Variants in HYCC2 observed in about 807,000 individuals in gnomAD.
The protein encoded by HYCC2 is hyccin 2.
chr2:201,061,343 A>C, the HYCC2 span: 1 of 152,214 alleles, frequency 6.6e-6, no homozygotes, highest in South Asian at 2.1e-4. Flanking sequence ...GAGGCAGAAG[A>C]ATCGCTTGAA....
chr2:201,017,257 T>C, the HYCC2 span: 1 of 961,474 alleles, frequency 1.0e-6, no homozygotes, highest in African/African-American at 1.6e-5. Flanking sequence ...TATATCTGTA[T>C]AATATTTTTA....
At chr2:201,010,120 GAAA>G in the HYCC2 span, among the ~76,000 whole-genome samples, 2 of 143,632 alleles carry the variant, frequency 1.4e-5, no homozygotes, top group Non-Finnish European at 3.1e-5. Context: ...AAAAAAAAAA[GAAA>G]AGAAGAAGAA....
the HYCC2 span, among the ~76,000 whole-genome samples, chr2:200,983,882 G>A: frequency 6.6e-6 from 1 of 151,936 alleles, no homozygotes; most frequent in Non-Finnish European, 1.5e-5. Context: ...AAGCAATATG[G>A]CCATAAAAAA....
the HYCC2 span, chr2:201,017,170 G>C: frequency 1.1e-5 from 17 of 1,608,898 alleles, no homozygotes; most frequent in Non-Finnish European, 1.4e-5. Flanking sequence ...GGCTCCAGGA[G>C]CTAAAAGGAA....
the HYCC2 span, among the ~76,000 whole-genome samples, chr2:201,001,092 C>T: frequency 4.0e-5 from 6 of 148,398 alleles, no homozygotes; most frequent in East Asian, 2.0e-4. Context: ...GAGCCAAGAT[C>T]GTGACACTGC....
the HYCC2 span, among the ~76,000 whole-genome samples, chr2:201,052,561 C>T: frequency 2.0e-5 from 3 of 152,200 alleles, no homozygotes; most frequent in Non-Finnish European, 4.4e-5. Flanking sequence ...TGAGCCGTGA[C>T]TGTGCCACTG....
the HYCC2 span, among the ~76,000 whole-genome samples, chr2:201,056,083 A>G: frequency 1.3e-5 from 2 of 152,000 alleles, no homozygotes; most frequent in African/African-American, 2.4e-5. Context: ...AGTCCCAGCT[A>G]CTCAGGAGGC....
At chr2:201,057,198 A>G in the HYCC2 span, among the ~76,000 whole-genome samples, 3 of 152,360 alleles carry the variant, frequency 2.0e-5, no homozygotes, top group South Asian at 6.2e-4. Flanking sequence ...ATGTGCTGGC[A>G]GCATTCCATG....
chr2:200,983,153 A>G, the HYCC2 span, among the ~76,000 whole-genome samples: 1 of 152,212 alleles, frequency 6.6e-6, no homozygotes, highest in Non-Finnish European at 1.5e-5. Flanking sequence ...TCTCTTACTG[A>G]AAGTATGATG....
the HYCC2 span, among the ~76,000 whole-genome samples, chr2:201,018,129 C>T: frequency 5.9e-5 from 9 of 151,902 alleles, no homozygotes; most frequent in East Asian, 1.9e-4. Flanking sequence ...ATTTTTCATA[C>T]GATATCACAC....
the HYCC2 span, chr2:201,009,394 G>A: frequency 4.3e-6 from 1 of 232,998 alleles, no homozygotes; most frequent in East Asian, 9.5e-5. Flanking sequence ...CCATTTTAAT[G>A]TCTATATTCC....
the HYCC2 span, among the ~76,000 whole-genome samples, chr2:201,050,316 A>T: frequency 6.6e-6 from 1 of 152,116 alleles, no homozygotes; most frequent in Non-Finnish European, 1.5e-5. Context: ...ATGCTGAAAG[A>T]AACAGAATAT....
At chr2:201,051,412 G>A in the HYCC2 span, among the ~76,000 whole-genome samples, 1 of 151,876 alleles carries the variant, frequency 6.6e-6, no homozygotes, top group Non-Finnish European at 1.5e-5. Flanking sequence ...TGGAAAGGAA[G>A]AAATGCTATT....
chr2:200,988,449 G>A, the HYCC2 span: 12 of 1,562,758 alleles, frequency 7.7e-6, no homozygotes, highest in Non-Finnish European at 1.0e-5. Flanking sequence ...GTCTATACAA[G>A]TTTACAATCA....
chr2:200,997,198 T>C, the HYCC2 span: 1 of 299,364 alleles, frequency 3.3e-6, no homozygotes, highest in Non-Finnish European at 6.3e-6. Context: ...GAGGGCACAG[T>C]GAGCTATGAT....
chr2:201,054,824 C>A, the HYCC2 span, among the ~76,000 whole-genome samples: 4 of 152,008 alleles, frequency 2.6e-5, no homozygotes, highest in Non-Finnish European at 5.9e-5. Context: ...GAAAACATGT[C>A]GAATTTTTTT....
the HYCC2 span, among the ~76,000 whole-genome samples, chr2:200,985,643 G>A: frequency 2.0e-5 from 3 of 152,080 alleles, no homozygotes; most frequent in African/African-American, 2.4e-5. Flanking sequence ...CCTGGGCGAC[G>A]TGAGTGAGAT....
chr2:201,040,454 C>CT, the HYCC2 span, among the ~76,000 whole-genome samples: 23 of 145,022 alleles, frequency 1.6e-4, no homozygotes, highest in African/African-American at 5.9e-4. Context: ...GTTGTTATTG[C>CT]TTTTGTTTTT....
the HYCC2 span, among the ~76,000 whole-genome samples, chr2:200,985,072 C>T: frequency 6.6e-6 from 1 of 151,922 alleles, no homozygotes; most frequent in South Asian, 2.1e-4. Flanking sequence ...GACTGTGCCA[C>T]TACACTCCAG....
Sources: gnomAD v4.1 joint callset for allele counts (sites outside exome capture counted in the v4.1 genomes callset) on GRCh38, gnomAD v4.1.1 for gene constraint, MANE v1.5 for transcripts, NCBI Gene and HGNC (gene_info 2026-07-23, HGNC 2026-07-21) for gene names.